The following PHC2 variants were observed in gnomAD, a reference collection of about 807,000 sequenced individuals.
PHC2 encodes the protein polyhomeotic-like protein 2.
PHC2 carries 29 observed loss-of-function variants against 87.4 expected under a neutral mutation model. The ratio of observed to expected loss-of-function variants is 0.33; its 90% CI spans 0.25 to 0.45. The LOEUF is 0.45. PHC2 is among the 20% of genes least tolerant of loss of function. PHC2 has a pLI of 1.00. For missense variants in PHC2, 857 were observed against 1,136.7 expected, an observed-to-expected ratio of 0.75 and a Z score of 3.54; for synonymous variants, 438 against 461.7, an observed-to-expected ratio of 0.95 and a Z score of 0.66.
chr1:33,331,775 C>G lies in PHC2; in HGVS notation c.1892-313G>C, dbSNP rs1412226507. The G allele has an allele frequency of 1.2e-5, 4 of 324,736 alleles. No individual in the cohort carries two copies. The highest frequency in any genetic ancestry group is 8.7e-4 in the Middle Eastern group (1 of 1,156). The allele number at this position is 324,736 out of a possible 1,614,324, so 20.1% of individuals were successfully genotyped here. On this transcript the variant is annotated intron_variant, in intron 11 of 14. Transcript: ENST00000683057. The surrounding 1 kb of genome is among the most constrained non-coding windows in gnomAD (Gnocchi z 5.2). ...AAAGCAGGAGCCCCCAGGAAATACT[C>G]TGGATGCTGTCACAGCTGCTCCGCT...
intron 1 of PHC2, among the ~76,000 whole-genome samples, chr1:33,418,418 A>C (rs1376774351): frequency 6.6e-6 from 1 of 152,166 alleles, no homozygotes; most frequent in East Asian, 1.9e-4. Flanking sequence ...GGAATGAAAG[A>C]AATCTTATAG....
intron 1 of PHC2, among the ~76,000 whole-genome samples, chr1:33,427,743 T>C (rs532380432): frequency 2.7e-4 from 41 of 152,386 alleles, no homozygotes; most frequent in South Asian, 2.1e-4. Context: ...TACTACACTC[T>C]CATGGTTAAT....
chr1:33,406,326 T>C (rs1210799803), intron 1 of PHC2, among the ~76,000 whole-genome samples: 2 of 152,222 alleles, frequency 1.3e-5, no homozygotes, highest in Non-Finnish European at 2.9e-5. Flanking sequence ...TTGGTATATA[T>C]TTTCTTTACT....
chr1:33,348,433 A>G (rs559608187), intron 9 of PHC2, among the ~76,000 whole-genome samples: 2 of 152,240 alleles, frequency 1.3e-5, no homozygotes, highest in Non-Finnish European at 2.9e-5. Context: ...GGTGAATGAT[A>G]ATTGGATTAC....
intron 7 of PHC2, chr1:33,363,864 G>A (rs1647278832): frequency 1.0e-6 from 1 of 985,340 alleles, no homozygotes. Context: ...CCAGGCCCAA[G>A]GGACCCCTGC....
intron 9 of PHC2, among the ~76,000 whole-genome samples, chr1:33,350,139 C>A (rs1412919357): frequency 2.0e-5 from 3 of 150,476 alleles, no homozygotes; most frequent in Non-Finnish European, 4.4e-5. Flanking sequence ...TGCTCCTTGG[C>A]GGGGCGGCCC....
At chr1:33,354,196 C>T (rs988534734) in intron 9 of PHC2, among the ~76,000 whole-genome samples, 1 of 152,198 alleles carries the variant, frequency 6.6e-6, no homozygotes. Flanking sequence ...TCTTCTGTCT[C>T]CACCCTCTTG....
intron 14 of PHC2, among the ~76,000 whole-genome samples, chr1:33,327,933 C>A (rs927563289): frequency 6.6e-6 from 1 of 152,210 alleles, no homozygotes; most frequent in African/African-American, 2.4e-5. Flanking sequence ...ATTCCTTACC[C>A]ACAGCAACTG....
chr1:33,371,266 A>G (rs1214467450), intron 3 of PHC2, among the ~76,000 whole-genome samples, 172 bp from the exon 4 acceptor site: 1 of 152,220 alleles, frequency 6.6e-6, no homozygotes, highest in Non-Finnish European at 1.5e-5. Context: ...CTCCTCTGTG[A>G]ATAGGTGAGG....
intron 1 of PHC2, among the ~76,000 whole-genome samples, chr1:33,408,459 TTTTTG>T (rs773992653): frequency 7.2e-6 from 1 of 139,452 alleles, no homozygotes; most frequent in Admixed American, 7.1e-5. Flanking sequence ...TTTTGTTTTG[TTTTTG>T]TTTGTTTTTG....
chr1:33,357,107 G>A (rs1364241244), intron 7 of PHC2, among the ~76,000 whole-genome samples: 1 of 152,240 alleles, frequency 6.6e-6, no homozygotes, highest in Non-Finnish European at 1.5e-5. Context: ...AATCTGTCCT[G>A]TTTAAAAACT....
intron 14 of PHC2, among the ~76,000 whole-genome samples, chr1:33,326,774 G>A (rs1168471000): frequency 6.6e-6 from 1 of 152,112 alleles, no homozygotes; most frequent in Non-Finnish European, 1.5e-5. Flanking sequence ...CCAACATGGT[G>A]AAACCCCATC....
chr1:33,405,401 G>C (rs1324119813), intron 1 of PHC2, among the ~76,000 whole-genome samples: 1 of 152,054 alleles, frequency 6.6e-6, no homozygotes, highest in Non-Finnish European at 1.5e-5. Flanking sequence ...ATGTTGGCCA[G>C]GTAGGTCTTG....
In PHC2 at chr1:33,349,849, C is replaced by A. The variant is rs1395808347; in HGVS notation, c.1558+4552G>T. The A allele has an allele frequency of 1.0e-5, 10 of 968,942 alleles. No individual in the cohort carries two copies. The highest frequency in any genetic ancestry group is 1.2e-5 in the Non-Finnish European group (10 of 818,556). 60.0% of individuals were successfully genotyped at this position (968,942 alleles called of 1,614,324 possible). A position where few individuals can be genotyped will look rare whatever the true frequency, so the allele number is the denominator to read the frequency against. On this transcript the variant is annotated intron_variant, in intron 9 of 14. Coordinates refer to ENST00000683057, the MANE Select transcript of PHC2 (RefSeq NM_001385109.1). The surrounding 1 kb of genome is among the most constrained non-coding windows in gnomAD (Gnocchi z 4.2). ...AGCGCGGGCGGCGGCCGGGGTTGCG[C>A]GCGCGCGCGCGGCGGGCGCTCGAGG... is the stretch of plus-strand genomic sequence containing the variant.
At position 33,364,133 on chromosome 1, in the gene PHC2, A is replaced by C. The variant is rs930251455; in HGVS notation, c.976+2983T>G. The stretch of plus-strand genomic sequence containing the variant: ...GCCATGGGGGAGGGGCTTTGCCCCC[A>C]AACAGCTGTCAGTGGGAGCAGTCCC... On this transcript the variant is annotated intron_variant, in intron 7 of 14. Transcript: ENST00000683057. This position sits in a 1 kb window ranked among gnomAD's most constrained non-coding sequence, Gnocchi z 4.1. 1.3e-5 allele frequency among the ~76,000 whole-genome samples: 2 copies of C among 151,926 alleles called. No homozygotes were observed. Among genetic ancestry groups the C allele is most frequent in the East Asian group, 3.9e-4 (2 of 5,116 alleles).
chr1:33,388,447 C>T (rs1024233684), intron 1 of PHC2, among the ~76,000 whole-genome samples: 7 of 152,012 alleles, frequency 4.6e-5, no homozygotes, highest in Non-Finnish European at 8.8e-5. Flanking sequence ...CCTCAGCCTC[C>T]CGAGTAGCTG....
intron 14 of PHC2, chr1:33,325,844 CT>C (rs1020315130): frequency 2.6e-5 from 12 of 456,510 alleles, no homozygotes; most frequent in African/African-American, 2.4e-4. Context: ...TGGGCGTGGC[CT>C]CAGAACTGGC....
At chr1:33,344,121 C>T (rs1030728946) in intron 9 of PHC2, among the ~76,000 whole-genome samples, 2 of 152,134 alleles carry the variant, frequency 1.3e-5, no homozygotes, top group Non-Finnish European at 2.9e-5. Flanking sequence ...ATTTATGTAA[C>T]TTGTAATGCC....
intron 1 of PHC2, among the ~76,000 whole-genome samples, chr1:33,419,344 A>C (rs1650335194): frequency 6.6e-6 from 1 of 152,202 alleles, no homozygotes; most frequent in South Asian, 2.1e-4. Flanking sequence ...AAAACAGCAG[A>C]AACTTATTCT....
Sources: allele counts gnomAD v4.1 joint callset (sites outside exome capture counted in the v4.1 genomes callset), GRCh38; gene constraint gnomAD v4.1.1; non-coding constraint Gnocchi (gnomAD v3.1); transcripts MANE v1.5; gene names NCBI Gene and HGNC (gene_info 2026-07-23, HGNC 2026-07-21).